CNIH4: variants seen among roughly 807,000 people sequenced by gnomAD.
CNIH4 encodes protein cornichon homolog 4.
A neutral mutation model predicts 21.5 loss-of-function variants in CNIH4; 9 were observed. The observed-to-expected ratio is 0.42, with a 90% confidence interval of 0.25 to 0.73. The LOEUF (loss-of-function observed/expected upper bound fraction) is 0.73, where lower values mean the gene tolerates loss of function less well. CNIH4 is among the 30% of genes least tolerant of loss of function. The pLI, the probability that CNIH4 is intolerant of heterozygous loss-of-function variation, is 0.27. For synonymous variants in CNIH4, 67 were observed against 59.1 expected (o/e 1.13, Z -0.61); for missense variants, 159 against 170.0 (o/e 0.94, Z 0.36).
At position 224,359,348 on chromosome 1, in the gene CNIH4, T is replaced by C. The variant is rs569562268; in HGVS notation, c.70-1147T>C. On this transcript the variant is annotated intron_variant, in intron 1 of 4. Coordinates refer to ENST00000465271, the MANE Select transcript of CNIH4 (RefSeq NM_014184.4). ...TGGATAGGGTCGTCTGGATTTCAAATAGAGTGCTGGTTGTGGGCAGGTGAA... is the reference window on the plus strand; with the variant it reads ...TGGATAGGGTCGTCTGGATTTCAAACAGAGTGCTGGTTGTGGGCAGGTGAA... 3.6e-4 allele frequency among the ~76,000 whole-genome samples: 55 copies of C among 152,286 alleles called. No individual in the cohort carries two copies. The South Asian group carries it at 0.011, about 31-fold the overall frequency.
chr1:224,358,047 A>AT (rs1672168266), intron 1 of CNIH4, among the ~76,000 whole-genome samples: 77 of 152,364 alleles, frequency 5.1e-4, no homozygotes, highest in Admixed American at 5.0e-3. Context: ...GCTTTAGGAT[A>AT]GTCGTACAGA....
chr1:224,371,262 G>C (rs1310222059), intron 3 of CNIH4, 21 bp from the exon 4 acceptor site: 1 of 1,605,112 alleles, frequency 6.2e-7, no homozygotes, highest in East Asian at 2.2e-5. Flanking sequence ...CTTCTAATGT[G>C]TGTATCCTTT....
At chr1:224,358,994 A>G (rs1672195339) in intron 1 of CNIH4, among the ~76,000 whole-genome samples, 1 of 152,260 alleles carries the variant, frequency 6.6e-6, no homozygotes, top group Non-Finnish European at 1.5e-5. Flanking sequence ...GACAAAATCT[A>G]CAGGAAGGGG....
chr1:224,379,109 A>G lies in CNIH4; in HGVS notation c.*3287A>G, dbSNP rs1284276879. ...TTGCTAATCACCGTAACCTCGGCTG[A>G]GAAAGAAGAGGAAGCGAAATCCAAG... On this transcript the variant is annotated 3_prime_UTR_variant, in exon 5 of 5. Transcript: ENST00000465271. The G allele has an allele frequency of 6.4e-7, 1 of 1,550,494 alleles. No homozygotes were observed. Among genetic ancestry groups the G allele is most frequent in the South Asian group, 1.2e-5 (1 of 84,066 alleles).
chr1:224,358,108 T>C (rs1418466212), intron 1 of CNIH4, among the ~76,000 whole-genome samples: 1 of 152,188 alleles, frequency 6.6e-6, no homozygotes, highest in Non-Finnish European at 1.5e-5. Context: ...CATCCTGTTG[T>C]AGTGGAAAGG....
At chr1:224,361,209 A>G (rs927109889) in intron 2 of CNIH4, among the ~76,000 whole-genome samples, 1 of 146,554 alleles carries the variant, frequency 6.8e-6, no homozygotes, top group African/African-American at 2.5e-5. Context: ...TCTGCCTCCC[A>G]GGTTCAAGCG....
chr1:224,375,652 T>G, intron 4 of CNIH4, 143 bp from the exon 5 acceptor site: 1 of 868,806 alleles, frequency 1.2e-6, no homozygotes, highest in Non-Finnish European at 1.7e-6. Flanking sequence ...TCCTAATATA[T>G]TCTTTCCTTT....
At chr1:224,375,657 TC>T (rs1672760934) in intron 4 of CNIH4, 137 bp from the exon 5 acceptor site, 1 of 899,624 alleles carries the variant, frequency 1.1e-6, no homozygotes, top group Admixed American at 2.7e-5. Flanking sequence ...ATATATTCTT[TC>T]CTTTGGGTAT....
At chr1:224,369,238 A>G (rs1442313414) in intron 3 of CNIH4, among the ~76,000 whole-genome samples, 2 of 152,164 alleles carry the variant, frequency 1.3e-5, no homozygotes, top group Non-Finnish European at 2.9e-5. Flanking sequence ...ATTGGCTGTC[A>G]GACACTGGAA....
chr1:224,356,834 G>A (rs114198263), upstream of CNIH4: 575 of 1,094,300 alleles, frequency 5.3e-4, 2 homozygotes, highest in African/African-American at 7.7e-3. Context: ...AGGACCACAC[G>A]CCTCAGCCAG....
At position 224,379,361 on chromosome 1, in the gene CNIH4, C is replaced by A. The variant is rs1170437960; in HGVS notation, c.*3539C>A. The A allele has an allele frequency of 4.2e-6, 2 of 474,030 alleles. No individual in the cohort carries two copies. The highest frequency in any genetic ancestry group is 3.9e-6 in the Non-Finnish European group (1 of 259,172). 29.4% of individuals were successfully genotyped at this position (474,030 alleles called of 1,614,324 possible). A position where few individuals can be genotyped will look rare whatever the true frequency, so the allele number is the denominator to read the frequency against. On this transcript the variant is annotated 3_prime_UTR_variant, in exon 5 of 5. Coordinates refer to ENST00000465271, the MANE Select transcript of CNIH4 (RefSeq NM_014184.4). Reference sequence around the variant, plus strand: ...ATGTTCCTGGAGGGCAGAATATGCCCATTCATATTTGTATCTTCTTCCTTC... The same window carrying A: ...ATGTTCCTGGAGGGCAGAATATGCCAATTCATATTTGTATCTTCTTCCTTC...
chr1:224,375,799 A>T lies in CNIH4; in HGVS notation c.397A>T (p.Ile133Phe), dbSNP rs779705259. The T allele has an allele frequency of 3.7e-6, 6 of 1,613,958 alleles. No individual in the cohort carries two copies. The East Asian group carries it at 1.1e-4, about 30-fold the overall frequency. The change falls in exon 5 of 5, where the codon ATC becomes TTC. Residue 133 changes from isoleucine (I) to phenylalanine (F), a missense_variant. Ile to Phe is a conservative substitution (Grantham distance 21). Transcript: ENST00000465271. ...ATTCATTTCTTCTTTCCACAGTATGATCTTAGCTTTGATAAATGACTGAAG... is the reference window on the plus strand; with the variant it reads ...ATTCATTTCTTCTTTCCACAGTATGTTCTTAGCTTTGATAAATGACTGAAG... ...LCFFMYLYSM[I>F]LALIND
At position 224,379,097 on chromosome 1, in the gene CNIH4, T is replaced by G; in HGVS notation, c.*3275T>G. 6.4e-7 allele frequency: 1 copy of G among 1,550,584 alleles called. No individual in the cohort carries two copies. The stretch of plus-strand genomic sequence containing the variant: ...TAGCAACTGCCCTTGCTAATCACCG[T>G]AACCTCGGCTGAGAAAGAAGAGGAA... On this transcript the variant is annotated 3_prime_UTR_variant, in exon 5 of 5. Coordinates refer to ENST00000465271, the MANE Select transcript of CNIH4 (RefSeq NM_014184.4).
intron 2 of CNIH4, 38 bp from the exon 3 acceptor site, chr1:224,365,840 CA>C (rs1229924825): frequency 8.9e-7 from 1 of 1,127,012 alleles, no homozygotes; most frequent in African/African-American, 1.5e-5. Context: ...TCAGGAAGGA[CA>C]TAGCAGTGAG....
chr1:224,373,455 A>C lies in CNIH4; in HGVS notation c.392+2032A>C, dbSNP rs1037920886. Among the ~76,000 whole-genome samples, 87 of 152,052 alleles carry C rather than the reference A, an allele frequency of 5.7e-4. 1 individual carries two copies. Among genetic ancestry groups the C allele is most frequent in the Non-Finnish European group, 8.4e-4 (57 of 68,018 alleles). On this transcript the variant is annotated intron_variant, in intron 4 of 4. Transcript: ENST00000465271. ...CTTTGCAGAGTAAATTTAGGCTTGG[A>C]GGTATCTTGCTTAGTAGACTCAAAG...
At chr1:224,372,468 C>G (rs1228243572) in intron 4 of CNIH4, among the ~76,000 whole-genome samples, 1 of 152,136 alleles carries the variant, frequency 6.6e-6, no homozygotes, top group Non-Finnish European at 1.5e-5. Flanking sequence ...TTTAATTTTT[C>G]ACATAGGCAT....
chr1:224,364,355 C>T (rs968757544), intron 2 of CNIH4: 20 of 985,254 alleles, frequency 2.0e-5, no homozygotes, highest in Admixed American at 6.1e-5. Context: ...TGATATGGAT[C>T]GCAGAGTATT....
At chr1:224,366,560 G>A (rs1196459730) in intron 3 of CNIH4, among the ~76,000 whole-genome samples, 1 of 151,902 alleles carries the variant, frequency 6.6e-6, no homozygotes, top group Non-Finnish European at 1.5e-5. Context: ...TGTTGGTCAG[G>A]CTGGTCTCAA....
Position 224,365,896 on chromosome 1 carries a change from G to C in CNIH4, c.156G>C (p.Leu52Phe). 2 of 1,607,616 alleles carry C rather than the reference G, an allele frequency of 1.2e-6. No individual in the cohort carries two copies. Among genetic ancestry groups the C allele is most frequent in the East Asian group, 2.2e-5 (1 of 44,832 alleles). ...SKLNKWVIPE[L>F]IGHTIVTVLL... is the part of the protein sequence containing the mutation. ...CATTGCAGTGGGTAATTCCAGAATTGATTGGCCATACCATTGTCACTGTAT... is the reference window on the plus strand; with the variant it reads ...CATTGCAGTGGGTAATTCCAGAATTCATTGGCCATACCATTGTCACTGTAT... The change falls in exon 3 of 5, where the codon TTG (leucine) becomes TTC (phenylalanine). Residue 52 changes from leucine (L) to phenylalanine (F), a missense_variant. Leu to Phe is a conservative substitution (Grantham distance 22, BLOSUM62 0). Transcript: ENST00000465271.
Sources: allele counts gnomAD v4.1 joint callset (sites outside exome capture counted in the v4.1 genomes callset), GRCh38; gene constraint gnomAD v4.1.1; transcripts MANE v1.5; gene names NCBI Gene and HGNC (gene_info 2026-07-23, HGNC 2026-07-21).